CERKL: variants seen among roughly 807,000 people sequenced by gnomAD.
CERKL encodes the protein ceramide kinase-like protein.
A neutral mutation model predicts 63.4 loss-of-function variants in CERKL; 61 were observed. The ratio of observed to expected loss-of-function variants is 0.96; its 90% CI spans 0.78 to 1.19. The LOEUF is 1.19. CERKL is among the 50% of genes most tolerant of loss of function. The pLI, the probability that CERKL is intolerant of heterozygous loss-of-function variation, is 0.00. For missense variants in CERKL, 675 were observed against 655.5 expected (o/e 1.03, Z -0.33); for synonymous variants, 250 against 230.5 (o/e 1.08, Z -0.77).
At position 181,537,628 on chromosome 2, in the gene CERKL, G is replaced by A. The variant is rs1341727428; in HGVS notation, c.*556C>T. 2 of 435,784 alleles carry A rather than the reference G, an allele frequency of 4.6e-6. No individual in the cohort carries two copies. Among genetic ancestry groups the A allele is most frequent in the Non-Finnish European group, 9.1e-6 (2 of 220,800 alleles). The allele number at this position is 435,784 out of a possible 1,614,324, so 27.0% of individuals were successfully genotyped here. A position where few individuals can be genotyped will look rare whatever the true frequency, so the allele number is the denominator to read the frequency against. ...ATAGGAAATTTAACATAATTGATGA[G>A]CTCAAATCCTGAAAAATGAAAGAAT... On this transcript the variant is annotated 3_prime_UTR_variant, in exon 13 of 13. Coordinates refer to ENST00000410087, the MANE Select transcript of CERKL (RefSeq NM_201548.5).
chr2:181,630,151 C>T (rs1031790424), intron 1 of CERKL, among the ~76,000 whole-genome samples: 1 of 152,054 alleles, frequency 6.6e-6, no homozygotes, highest in Non-Finnish European at 1.5e-5. Flanking sequence ...CCAGCCTCAG[C>T]CTCACCCTCT....
At chr2:181,601,867 C>T (rs952732324) in intron 2 of CERKL, among the ~76,000 whole-genome samples, 3 of 152,216 alleles carry the variant, frequency 2.0e-5, no homozygotes, top group Admixed American at 6.5e-5. Flanking sequence ...AGCAAAATCA[C>T]TCTGTACTCA....
chr2:181,613,023 C>T (rs1324209186), intron 1 of CERKL, among the ~76,000 whole-genome samples: 4 of 152,054 alleles, frequency 2.6e-5, no homozygotes, highest in East Asian at 1.9e-4. Context: ...ACATTTAAGA[C>T]GTAGTCTCTT....
rs561059887 is a variant in CERKL, at chr2:181,549,371, A to G, written c.895+263T>C. ...ATGTTCTTCATCTGGTTATAAAATT[A>G]TAATTTTGAGCACACTACAATATTT... On this transcript the variant is annotated intron_variant, in intron 6 of 12. Transcript: ENST00000410087. Among the ~76,000 whole-genome samples, 6 of 152,332 alleles carry G rather than the reference A, an allele frequency of 3.9e-5. No homozygotes were observed. In the South Asian group the frequency reaches 1.2e-3, roughly 32 times the overall value.
chr2:181,598,263 G>C (rs886233706), intron 2 of CERKL, among the ~76,000 whole-genome samples: 1 of 152,170 alleles, frequency 6.6e-6, no homozygotes, highest in Non-Finnish European at 1.5e-5. Context: ...GCCCTAGACT[G>C]GGGGAAGAGG....
chr2:181,640,681 A>C (rs1687381425), intron 1 of CERKL, among the ~76,000 whole-genome samples: 1 of 152,240 alleles, frequency 6.6e-6, no homozygotes, highest in Non-Finnish European at 1.5e-5. Context: ...ATCTTCCTGC[A>C]TACCCAATTG....
At chr2:181,570,380 T>C (rs763630996) in intron 3 of CERKL, among the ~76,000 whole-genome samples, 3 of 152,216 alleles carry the variant, frequency 2.0e-5, no homozygotes, top group Non-Finnish European at 2.9e-5. Flanking sequence ...TATTGTACTA[T>C]GAATTATCCT....
At chr2:181,552,131 T>C (rs750199029) in intron 5 of CERKL, among the ~76,000 whole-genome samples, 1 of 152,010 alleles carries the variant, frequency 6.6e-6, no homozygotes, top group Non-Finnish European at 1.5e-5. Flanking sequence ...AGTAAAATAG[T>C]GGTTACTGGG....
intron 1 of CERKL, among the ~76,000 whole-genome samples, chr2:181,609,533 T>TTAA (rs1267362169): frequency 1.4e-5 from 1 of 70,232 alleles, no homozygotes; most frequent in Non-Finnish European, 2.8e-5. Flanking sequence ...CTGTCTCTAC[T>TTAA]AAAAAAAAAA....
At chr2:181,617,348 A>G (rs1686242865) in intron 1 of CERKL, 1 of 152,218 alleles carries the variant, frequency 6.6e-6, no homozygotes, top group Admixed American at 6.5e-5. Flanking sequence ...TTCATAGAAC[A>G]CCACTTTTTA....
chr2:181,600,558 G>A (rs1685415519), intron 2 of CERKL, among the ~76,000 whole-genome samples: 1 of 152,008 alleles, frequency 6.6e-6, no homozygotes, highest in Non-Finnish European at 1.5e-5. Context: ...AAGAACAGAT[G>A]TTGCTATACT....
intron 4 of CERKL, among the ~76,000 whole-genome samples, chr2:181,565,009 G>A (rs1307817138): frequency 6.6e-6 from 1 of 151,752 alleles, no homozygotes. Context: ...ATTCCTTTTG[G>A]AAAAATCATG....
intron 2 of CERKL, among the ~76,000 whole-genome samples, chr2:181,578,971 A>C (rs1002104379): frequency 1.3e-4 from 20 of 152,040 alleles, no homozygotes; most frequent in African/African-American, 4.6e-4. Flanking sequence ...AGGTTTTATC[A>C]TATAGTGTTA....
chr2:181,638,563 T>A (rs138103817), intron 1 of CERKL, among the ~76,000 whole-genome samples: 69 of 152,236 alleles, frequency 4.5e-4, no homozygotes, highest in African/African-American at 1.6e-3. Flanking sequence ...ATCATAACAA[T>A]AAAAAAACCT....
At chr2:181,557,200 C>T (rs1688250790) in intron 5 of CERKL, among the ~76,000 whole-genome samples, 1 of 152,136 alleles carries the variant, frequency 6.6e-6, no homozygotes. Flanking sequence ...TGCCTGTTCA[C>T]TCTGATGGTA....
At chr2:181,621,368 C>A (rs1397595820) in intron 1 of CERKL, among the ~76,000 whole-genome samples, 1 of 152,130 alleles carries the variant, frequency 6.6e-6, no homozygotes, top group Middle Eastern at 3.2e-3. Context: ...AGTTTAGGCT[C>A]CTAGTCACAT....
chr2:181,590,359 G>C (rs927226503), intron 2 of CERKL, among the ~76,000 whole-genome samples: 5 of 150,784 alleles, frequency 3.3e-5, no homozygotes, highest in Admixed American at 3.3e-4. Context: ...AGGCTGGTCT[G>C]GAACTCCTGG....
chr2:181,643,542 A>G (rs1313196666), intron 1 of CERKL, among the ~76,000 whole-genome samples: 1 of 152,254 alleles, frequency 6.6e-6, no homozygotes, highest in African/African-American at 2.4e-5. Flanking sequence ...ATGGAAACAG[A>G]GCATATCAGA....
chr2:181,599,394 G>A (rs942704926), intron 2 of CERKL, among the ~76,000 whole-genome samples: 8 of 151,726 alleles, frequency 5.3e-5, no homozygotes, highest in Non-Finnish European at 7.4e-5. Context: ...AAAATTAGTC[G>A]GGGGTGGTGG....
Sources: allele counts gnomAD v4.1 joint callset (sites outside exome capture counted in the v4.1 genomes callset), GRCh38; gene constraint gnomAD v4.1.1; transcripts MANE v1.5; gene names NCBI Gene and HGNC (gene_info 2026-07-23, HGNC 2026-07-21).